Variants in DPP6 observed in about 807,000 individuals in gnomAD.
DPP6 encodes A-type potassium channel modulatory protein DPP6.
DPP6 carries 69 observed loss-of-function variants against 122.6 expected under a neutral mutation model. The observed-to-expected ratio is 0.56, with a 90% confidence interval of 0.46 to 0.69. DPP6 has a LOEUF of 0.69. Ranked by LOEUF, DPP6 falls within the 30% of genes least tolerant of loss-of-function variation. DPP6 has a pLI of 0.00. For missense variants in DPP6, 928 were observed against 1,116.9 expected (o/e 0.83, Z 2.41); for synonymous variants, 418 against 433.1 (o/e 0.97, Z 0.43).
At position 154,483,210 on chromosome 7, in the gene DPP6, A is replaced by T. The variant is rs2151374151; in HGVS notation, c.457+8173A>T. Among the ~76,000 whole-genome samples, 2 of 152,158 alleles carry T rather than the reference A, an allele frequency of 1.3e-5. 1 individual carries two copies. Among genetic ancestry groups the T allele is most frequent in the South Asian group, 4.2e-4 (2 of 4,810 alleles). On this transcript the variant is annotated intron_variant, in intron 3 of 25. Coordinates refer to ENST00000377770, the MANE Select transcript of DPP6 (RefSeq NM_130797.4). The surrounding 1 kb of genome is among the most constrained non-coding windows in gnomAD (Gnocchi z 8.1). ...CAGGAGAAAATGCTCTAGGCGAGTT[A>T]GTGTGCTGCCGATTTTGTAACGGCA... is the stretch of plus-strand genomic sequence containing the variant.
chr7:154,493,038 AAGATCGTGCTTCT>A (rs1824420636), intron 3 of DPP6, among the ~76,000 whole-genome samples: 1 of 152,174 alleles, frequency 6.6e-6, no homozygotes, highest in Non-Finnish European at 1.5e-5. Flanking sequence ...ATTCCTTTAG[AAGATCGTGCTTCT>A]TATATAACTA....
At chr7:154,303,128 T>C (rs1269709278) in intron 1 of DPP6, among the ~76,000 whole-genome samples, 2 of 152,166 alleles carry the variant, frequency 1.3e-5, no homozygotes, top group African/African-American at 4.8e-5. Flanking sequence ...ATTACAGGCA[T>C]GCGCCGCCAC....
intron 5 of DPP6, among the ~76,000 whole-genome samples, chr7:154,610,341 A>G (rs1322447257): frequency 6.6e-6 from 1 of 152,158 alleles, no homozygotes; most frequent in Non-Finnish European, 1.5e-5. Context: ...CTAGGTAAAA[A>G]ATATCGATGG....
At chr7:153,794,525 G>C in the DPP6 span, among the ~76,000 whole-genome samples, 6 of 152,066 alleles carry the variant, frequency 3.9e-5, no homozygotes, top group Non-Finnish European at 8.8e-5. Flanking sequence ...GATTTTATAG[G>C]CTTACAGGCG....
chr7:154,060,524 G>A lies in DPP6; in HGVS notation c.243+7461G>A, dbSNP rs574050153. On this transcript the variant is annotated intron_variant, in intron 1 of 25. Transcript: ENST00000377770. Reference sequence around the variant, plus strand: ...TTAGGACCCACCTGGAGGACTGCGGGTGTTAGGTGTCCAAGTAGAAAGTTC... The same window carrying A: ...TTAGGACCCACCTGGAGGACTGCGGATGTTAGGTGTCCAAGTAGAAAGTTC... Among the ~76,000 whole-genome samples the A allele has an allele frequency of 1.2e-4, 17 of 138,590 alleles. 2 individuals are homozygous for A. The South Asian group carries it at 3.1e-3, about 25-fold the overall frequency. 90.9% of individuals were successfully genotyped at this position (138,590 alleles called of 152,430 possible).
At chr7:154,642,828 G>T (rs1279761948) in intron 6 of DPP6, among the ~76,000 whole-genome samples, 1 of 145,170 alleles carries the variant, frequency 6.9e-6, no homozygotes, top group African/African-American at 2.6e-5. Context: ...CTTAAACCTG[G>T]GAGTCGGAGG....
At chr7:153,790,388 A>G in the DPP6 span, among the ~76,000 whole-genome samples, 6 of 152,212 alleles carry the variant, frequency 3.9e-5, no homozygotes, top group South Asian at 1.0e-3. Flanking sequence ...ATTGTGCTAT[A>G]TAATTATTAA....
intron 4 of DPP6, among the ~76,000 whole-genome samples, chr7:154,545,541 A>C (rs1586592770): frequency 6.8e-6 from 1 of 147,420 alleles, no homozygotes; most frequent in South Asian, 2.1e-4. Flanking sequence ...AAATACACTT[A>C]AAATAGCCTT....
At chr7:154,077,783 G>T (rs1803674255) in intron 1 of DPP6, among the ~76,000 whole-genome samples, 1 of 151,262 alleles carries the variant, frequency 6.6e-6, no homozygotes, top group African/African-American at 2.4e-5. Context: ...CAATTCTCCT[G>T]CCTCAGCCTC....
chr7:154,526,475 ACACAGTACC>A (rs140712258), intron 3 of DPP6, among the ~76,000 whole-genome samples: 4,158 of 152,308 alleles, frequency 0.027, 86 homozygotes, highest in South Asian at 0.082. Context: ...ACAGCATCCA[ACACAGTACC>A]CACCAGCTAT....
At chr7:154,714,604 G>T (rs185053164) in intron 7 of DPP6, among the ~76,000 whole-genome samples, 34 of 152,248 alleles carry the variant, frequency 2.2e-4, no homozygotes, top group Non-Finnish European at 3.8e-4. Context: ...ACTATCATGA[G>T]AACTGGATGG....
At chr7:153,825,322 G>T in the DPP6 span, among the ~76,000 whole-genome samples, 1 of 152,010 alleles carries the variant, frequency 6.6e-6, no homozygotes, top group Non-Finnish European at 1.5e-5. Context: ...AGGCTCTACC[G>T]TAGATAGACG....
intron 5 of DPP6, among the ~76,000 whole-genome samples, chr7:154,594,665 G>A (rs1832986835): frequency 6.6e-6 from 1 of 152,052 alleles, no homozygotes; most frequent in Non-Finnish European, 1.5e-5. Context: ...GTATCCTAAA[G>A]GAACACAATG....
chr7:153,852,020 A>G, the DPP6 span, among the ~76,000 whole-genome samples: 75 of 152,162 alleles, frequency 4.9e-4, no homozygotes, highest in Middle Eastern at 3.4e-3. Context: ...GATGCTACTT[A>G]TCCTTACACT....
intron 1 of DPP6, among the ~76,000 whole-genome samples, chr7:154,277,409 C>T (rs1486214923): frequency 6.6e-6 from 1 of 152,148 alleles, no homozygotes; most frequent in Non-Finnish European, 1.5e-5. Flanking sequence ...CATTCGTACA[C>T]AAATAGAAGG....
At chr7:154,757,259 T>G (rs1424842057) in intron 8 of DPP6, among the ~76,000 whole-genome samples, 1 of 152,136 alleles carries the variant, frequency 6.6e-6, no homozygotes, top group Non-Finnish European at 1.5e-5. Flanking sequence ...CAGCCCCTTC[T>G]CCATCCCTCA....
At chr7:153,909,740 T>C (rs1189530296) in intron 1 of DPP6, among the ~76,000 whole-genome samples, 1 of 152,192 alleles carries the variant, frequency 6.6e-6, no homozygotes, top group African/African-American at 2.4e-5. Context: ...CCCAGTCACT[T>C]GGTGAACAGC....
intron 7 of DPP6, among the ~76,000 whole-genome samples, chr7:154,710,657 G>C (rs1427137891): frequency 1.3e-5 from 2 of 152,250 alleles, no homozygotes; most frequent in Non-Finnish European, 2.9e-5. Context: ...AGGACCTGCT[G>C]TGTTCTCTGG....
chr7:153,812,981 C>T, the DPP6 span, among the ~76,000 whole-genome samples: 4 of 152,036 alleles, frequency 2.6e-5, no homozygotes, highest in South Asian at 2.1e-4. Context: ...GGGTATAAAA[C>T]GCTGGAATCC....
Sources: allele counts gnomAD v4.1 joint callset (sites outside exome capture counted in the v4.1 genomes callset), GRCh38; gene constraint gnomAD v4.1.1; non-coding constraint Gnocchi (gnomAD v3.1); transcripts MANE v1.5; gene names NCBI Gene and HGNC (gene_info 2026-07-23, HGNC 2026-07-21).